The following EEF2 variants were observed in gnomAD, a reference collection of about 807,000 sequenced individuals.
The protein encoded by EEF2 is elongation factor 2.
A neutral mutation model predicts 85.3 loss-of-function variants in EEF2; 21 were observed. That is an observed-to-expected ratio of 0.25 (90% CI 0.17 to 0.35). The LOEUF is 0.35. Among genes scored for constraint, EEF2 ranks in the 10% least tolerant of loss-of-function variants. The probability of loss-of-function intolerance (pLI) is 1.00; values close to 1 mark genes in which losing one functional copy is unlikely to be tolerated. For synonymous variants in EEF2, 723 were observed against 508.8 expected, an observed-to-expected ratio of 1.42 and a Z score of -5.67; for missense variants, 825 against 1,225.3, an observed-to-expected ratio of 0.67 and a Z score of 4.88.
Position 3,983,302 on chromosome 19 carries a change from G to T in EEF2, c.219-11C>A. The T allele has an allele frequency of 6.2e-7, 1 of 1,611,660 alleles. No individual in the cohort carries two copies. The highest frequency in any genetic ancestry group is 2.2e-5 in the East Asian group (1 of 44,810). On this transcript the variant is annotated splice_polypyrimidine_tract_variant and intron_variant, in intron 2 of 14. Coordinates refer to ENST00000309311, the MANE Select transcript of EEF2 (RefSeq NM_001961.4). The stretch of plus-strand genomic sequence containing the variant: ...AAGAGGGAGATGGCACTGATGGAGG[G>T]AGGGACTCGTCAGGGGGACAGGAGC...
At chr19:3,978,260 G>A in intron 11 of EEF2, 88 bp from the exon 12 acceptor site, 1 of 1,220,152 alleles carries the variant, frequency 8.2e-7, no homozygotes, top group Non-Finnish European at 1.1e-6. Context: ...TCCTAGCAAG[G>A]CGGACCTCAT....
In EEF2 at chr19:3,981,429, G is replaced by C; in HGVS notation, c.921C>G (p.Phe307Leu). 2 of 1,614,146 alleles carry C rather than the reference G, an allele frequency of 1.2e-6. No individual in the cohort carries two copies. The highest frequency in any genetic ancestry group is 1.7e-6 in the Non-Finnish European group (2 of 1,180,032). The change falls in exon 7 of 15, where the codon TTC becomes TTG. Residue 307 changes from phenylalanine to leucine, a missense_variant. Transcript: ENST00000309311. ...IFKVFDAIMN[F>L]KKEETAKLIE... ...TCAGTTTTGCTGTCTCCTCTTTCTTGAAATTCATGATCGCATCAAACACCT... is the reference window on the plus strand; with the variant it reads ...TCAGTTTTGCTGTCTCCTCTTTCTTCAAATTCATGATCGCATCAAACACCT...
At position 3,976,756 on chromosome 19, in the gene EEF2, G is replaced by A. The variant is rs754427542; in HGVS notation, c.2384-9C>T. 1.9e-6 allele frequency: 3 copies of A among 1,546,416 alleles called. No individual in the cohort carries two copies. Among genetic ancestry groups the A allele is most frequent in the African/African-American group, 1.4e-5 (1 of 73,374 alleles). ...CAGGTCAGCGGTGAAGCCTGCAGAG[G>A]GAAGCGAGAGGCTCACTGGGCCATC... is the stretch of plus-strand genomic sequence containing the variant. On this transcript the variant is annotated splice_polypyrimidine_tract_variant and intron_variant, in intron 14 of 14. Coordinates refer to ENST00000309311, the MANE Select transcript of EEF2 (RefSeq NM_001961.4).
Position 3,976,173 on chromosome 19 carries a change from C to G in EEF2, c.*381G>C. ...TCATCTACCCGCGTGTTCCTTTCCC[C>G]TTTCTGGGGCAAAAGCCACTGCGGG... is the stretch of plus-strand genomic sequence containing the variant. On this transcript the variant is annotated 3_prime_UTR_variant, in exon 15 of 15. Transcript: ENST00000309311. 4.1e-6 allele frequency: 1 copy of G among 245,362 alleles called. No homozygotes were observed. Among genetic ancestry groups the G allele is most frequent in the Non-Finnish European group, 8.0e-6 (1 of 124,628 alleles). 15.2% of individuals were successfully genotyped at this position (245,362 alleles called of 1,614,324 possible). A position where few individuals can be genotyped will look rare whatever the true frequency, so the allele number is the denominator to read the frequency against.
intron 4 of EEF2, 66 bp downstream of exon 4, chr19:3,982,741 C>T (rs1308577302): frequency 6.5e-7 from 1 of 1,527,150 alleles, no homozygotes; most frequent in African/African-American, 1.4e-5. Context: ...AGCTCAACTC[C>T]ACTCCCCACC....
chr19:3,984,102 C>G, intron 2 of EEF2, 34 bp downstream of exon 2: 1 of 1,603,920 alleles, frequency 6.2e-7, no homozygotes. Context: ...GCCAGCACCT[C>G]CCTGCCTGGG....
chr19:3,984,373 G>C (rs543362187), intron 1 of EEF2, 23 bp from the exon 2 acceptor site: 4 of 1,608,982 alleles, frequency 2.5e-6, no homozygotes, highest in East Asian at 4.5e-5. Context: ...AGGAGGCTCA[G>C]ACCAGCTCGT....
chr19:3,983,274 T>C lies in EEF2; in HGVS notation c.236A>G (p.Tyr79Cys), dbSNP rs1307786535. ...TIKSTAISLF[Y>C]ELSENDLNFI... ...GTTCAAGTCATTCTCCGAGAGCTCG[T>C]AGAAGAGGGAGATGGCACTGATGGA... The change falls in exon 3 of 15, where the codon TAC becomes TGC. Residue 79 changes from tyrosine to cysteine, a missense_variant. Tyr to Cys is a radical substitution (Grantham distance 194). Coordinates refer to ENST00000309311, the MANE Select transcript of EEF2 (RefSeq NM_001961.4). The C allele has an allele frequency of 4.3e-6, 7 of 1,613,208 alleles. No homozygotes were observed. Among genetic ancestry groups the C allele is most frequent in the Non-Finnish European group, 5.9e-6 (7 of 1,179,736 alleles).
chr19:3,979,179 C>T lies in EEF2; in HGVS notation c.1713+150G>A, dbSNP rs538103798. 67 of 612,664 alleles carry T rather than the reference C, an allele frequency of 1.1e-4. No individual in the cohort carries two copies. The African/African-American group carries it at 1.2e-3, about 11-fold the overall frequency. 38.0% of individuals were successfully genotyped at this position (612,664 alleles called of 1,614,324 possible). A position where few individuals can be genotyped will look rare whatever the true frequency, so the allele number is the denominator to read the frequency against. ...AACAGCCCCACATGCCTGTGGAAGA[C>T]TGCAAAGAAGAAACTTGAGGAACTT... On this transcript the variant is annotated intron_variant, in intron 11 of 14. Coordinates refer to ENST00000309311, the MANE Select transcript of EEF2 (RefSeq NM_001961.4).
At position 3,982,959 on chromosome 19, in the gene EEF2, C is replaced by G; in HGVS notation, c.460G>C (p.Val154Leu). 1 of 1,613,090 alleles carries G rather than the reference C, an allele frequency of 6.2e-7. No individual in the cohort carries two copies. Among genetic ancestry groups the G allele is most frequent in the Non-Finnish European group, 8.5e-7 (1 of 1,179,980 alleles). The change falls in exon 4 of 15, where the codon GTG becomes CTG. Residue 154 changes from valine (V) to leucine (L), a missense_variant. Physicochemically the swap from Val to Leu is conservative, Grantham distance 32. Transcript: ENST00000309311. Reference sequence around the variant, plus strand: ...CGGTCCATCTTGTTCATCATCAGCACAGGCTTGATGCGCTCGGCAATGGCC... The same window carrying G: ...CGGTCCATCTTGTTCATCATCAGCAGAGGCTTGATGCGCTCGGCAATGGCC... ...RQAIAERIKP[V>L]LMMNKMDRAL... is the part of the protein sequence containing the mutation.
At chr19:3,984,757 AC>A in intron 1 of EEF2, 1 of 213,912 alleles carries the variant, frequency 4.7e-6, no homozygotes, top group Non-Finnish European at 9.5e-6. Context: ...ATGCAAGGTC[AC>A]CCCTTGGCAA....
intron 4 of EEF2, 83 bp from the exon 5 acceptor site, chr19:3,982,507 C>T (rs2039765279): frequency 2.6e-6 from 4 of 1,541,728 alleles, no homozygotes; most frequent in Non-Finnish European, 3.6e-6. Context: ...TGGGCATGGG[C>T]CTCAGACGCA....
intron 11 of EEF2, 24 bp downstream of exon 11, chr19:3,979,305 G>A (rs531618183): frequency 1.9e-6 from 3 of 1,597,354 alleles, no homozygotes; most frequent in East Asian, 2.2e-5. Flanking sequence ...GGGGCGTGGG[G>A]AAGGCTGGTC....
intron 5 of EEF2, 97 bp from the exon 6 acceptor site, chr19:3,982,149 G>T (rs1029585866): frequency 1.3e-6 from 2 of 1,597,258 alleles, no homozygotes; most frequent in Non-Finnish European, 1.7e-6. Context: ...AAGACCTGGT[G>T]GGCTTGAGCC....
chr19:3,982,484 G>C (rs767943834), intron 4 of EEF2, 60 bp from the exon 5 acceptor site: 3 of 1,604,190 alleles, frequency 1.9e-6, no homozygotes, highest in East Asian at 2.2e-5. Flanking sequence ...CTGAAGCTAC[G>C]GGCTGGGCGC....
chr19:3,979,314 T>C lies in EEF2; in HGVS notation c.1713+15A>G, dbSNP rs74800864. ...CGGGGTGGGGCGTGGGGAAGGCTGG[T>C]CACTGGCGCCTCACCTTGATGGGGA... On this transcript the variant is annotated intron_variant, in intron 11 of 14. Transcript: ENST00000309311. The C allele has an allele frequency of 9.3e-3, 14,910 of 1,609,640 alleles. 1,120 individuals are homozygous for C. In the African/African-American group the frequency reaches 0.17, roughly 18 times the overall value.
At chr19:3,984,103 C>T in intron 2 of EEF2, 33 bp downstream of exon 2, 1 of 1,604,332 alleles carries the variant, frequency 6.2e-7, no homozygotes, top group Non-Finnish European at 8.5e-7. Flanking sequence ...CCAGCACCTC[C>T]CTGCCTGGGT....
At position 3,977,097 on chromosome 19, in the gene EEF2, C is replaced by G. The variant is rs140123613; in HGVS notation, c.2383+118G>C. On this transcript the variant is annotated intron_variant, in intron 14 of 14. Transcript: ENST00000309311. This position sits in a 1 kb window ranked among gnomAD's most constrained non-coding sequence, Gnocchi z 5.4. ...GCTGTCAGAAACTGGACCACCTGCT[C>G]CATCCATCACCTGCTCCCATCAGGA... The G allele has an allele frequency of 6.7e-5, 95 of 1,424,324 alleles. No individual in the cohort carries two copies. The African/African-American group carries it at 1.3e-3, about 19-fold the overall frequency. 88.2% of individuals were successfully genotyped at this position (1,424,324 alleles called of 1,614,324 possible). A position where few individuals can be genotyped will look rare whatever the true frequency, so the allele number is the denominator to read the frequency against.
Position 3,977,104 on chromosome 19 carries a change from T to C in EEF2, c.2383+111A>G. On this transcript the variant is annotated intron_variant, in intron 14 of 14. Transcript: ENST00000309311. The surrounding 1 kb of genome is among the most constrained non-coding windows in gnomAD (Gnocchi z 5.4). The stretch of plus-strand genomic sequence containing the variant: ...GAAACTGGACCACCTGCTCCATCCA[T>C]CACCTGCTCCCATCAGGACGCCTCC... 1.4e-6 allele frequency: 2 copies of C among 1,460,110 alleles called. No individual in the cohort carries two copies. The highest frequency in any genetic ancestry group is 1.8e-6 in the Non-Finnish European group (2 of 1,086,200). 90.4% of individuals were successfully genotyped at this position (1,460,110 alleles called of 1,614,324 possible). A position where few individuals can be genotyped will look rare whatever the true frequency, so the allele number is the denominator to read the frequency against.
Sources: allele counts gnomAD v4.1 joint callset, GRCh38; gene constraint gnomAD v4.1.1; non-coding constraint Gnocchi (gnomAD v3.1); transcripts MANE v1.5; gene names NCBI Gene and HGNC (gene_info 2026-07-23, HGNC 2026-07-21).